DPYD: variants seen among roughly 807,000 people sequenced by gnomAD.
The protein encoded by DPYD is dihydropyrimidine dehydrogenase.
A neutral mutation model predicts 116.2 loss-of-function variants in DPYD; 109 were observed. The ratio of observed to expected loss-of-function variants is 0.94; its 90% CI spans 0.80 to 1.10. The LOEUF is 1.10. DPYD is among the 50% of genes least tolerant of loss of function. DPYD has a pLI of 0.00. For missense variants in DPYD, 1,302 were observed against 1,254.5 expected (o/e 1.04, Z -0.57); for synonymous variants, 440 against 432.0 (o/e 1.02, Z -0.23).
chr1:97,634,510 CATAT>C (rs751382317), intron 8 of DPYD, among the ~76,000 whole-genome samples: 5 of 151,704 alleles, frequency 3.3e-5, no homozygotes, highest in Non-Finnish European at 7.4e-5. Context: ...CAATAGAAAA[CATAT>C]ATAATCATCA....
intron 2 of DPYD, among the ~76,000 whole-genome samples, chr1:97,840,367 T>C (rs1199644473): frequency 6.6e-6 from 1 of 151,904 alleles, no homozygotes; most frequent in Non-Finnish European, 1.5e-5. Flanking sequence ...AAGCGGAAAA[T>C]GGGGTTGTTA....
chr1:97,586,822 A>G (rs1328339084), intron 10 of DPYD, among the ~76,000 whole-genome samples: 3 of 151,678 alleles, frequency 2.0e-5, no homozygotes, highest in Non-Finnish European at 4.4e-5. Context: ...TACCTCACCA[A>G]TTGGCTGGGG....
intron 8 of DPYD, among the ~76,000 whole-genome samples, chr1:97,652,639 C>T (rs1658655104): frequency 6.6e-6 from 1 of 152,090 alleles, no homozygotes; most frequent in South Asian, 2.1e-4. Context: ...CAACAAAACC[C>T]ACATAATTTT....
chr1:97,757,880 A>T (rs1169277589), intron 3 of DPYD, among the ~76,000 whole-genome samples: 1 of 152,178 alleles, frequency 6.6e-6, no homozygotes, highest in Non-Finnish European at 1.5e-5. Flanking sequence ...GAAAAAAATG[A>T]TCATTATTTT....
Position 97,400,611 on chromosome 1 carries a change from T to C in DPYD, c.1906-18150A>G, listed in dbSNP as rs567240081. 2.6e-5 allele frequency among the ~76,000 whole-genome samples: 4 copies of C among 152,276 alleles called. No individual in the cohort carries two copies. The East Asian group carries it at 7.7e-4, about 29-fold the overall frequency. Reference sequence around the variant, plus strand: ...TTTTTGGTTGGTAAGCTATTAATTATTGCCTCAATTTCAGAGCCTGTTAAT... The same window carrying C: ...TTTTTGGTTGGTAAGCTATTAATTACTGCCTCAATTTCAGAGCCTGTTAAT... On this transcript the variant is annotated intron_variant, in intron 14 of 22. Transcript: ENST00000370192.
At position 97,368,842 on chromosome 1, in the gene DPYD, G is replaced by T. The variant is rs1263675730; in HGVS notation, c.2058+4719C>A. ...CCAGAAACAGTGTCAGAGGAGCCTA[G>T]TTAAGGTCTACCTTGTTATTGTTGC... On this transcript the variant is annotated intron_variant, in intron 16 of 22. Coordinates refer to ENST00000370192, the MANE Select transcript of DPYD (RefSeq NM_000110.4). 2.6e-5 allele frequency among the ~76,000 whole-genome samples: 4 copies of T among 152,236 alleles called. No homozygotes were observed. In the East Asian group the frequency reaches 5.8e-4, roughly 22 times the overall value.
intron 19 of DPYD, among the ~76,000 whole-genome samples, chr1:97,219,870 A>G (rs11799304): frequency 0.035 from 5,374 of 152,226 alleles, 291 homozygotes; most frequent in African/African-American, 0.12. Flanking sequence ...ACTCCACAAG[A>G]TTCATCTCTG....
At chr1:97,497,163 T>C (rs1472233142) in intron 13 of DPYD, among the ~76,000 whole-genome samples, 3 of 151,896 alleles carry the variant, frequency 2.0e-5, no homozygotes, top group Non-Finnish European at 2.9e-5. Flanking sequence ...AGAGTAATGA[T>C]CTTTCTCCTT....
At chr1:97,608,574 AG>A (rs1207832342) in intron 8 of DPYD, among the ~76,000 whole-genome samples, 1 of 151,952 alleles carries the variant, frequency 6.6e-6, no homozygotes, top group African/African-American at 2.4e-5. Context: ...ATGGCAAATT[AG>A]CTTACTTCCC....
intron 18 of DPYD, among the ~76,000 whole-genome samples, chr1:97,275,057 G>A (rs1002141353): frequency 6.6e-6 from 1 of 152,058 alleles, no homozygotes. Flanking sequence ...ATGCTTGTAG[G>A]TACCATAGGT....
At chr1:97,393,115 C>T (rs1672806085) in intron 14 of DPYD, among the ~76,000 whole-genome samples, 1 of 151,986 alleles carries the variant, frequency 6.6e-6, no homozygotes, top group African/African-American at 2.4e-5. Context: ...TTTGCATTCA[C>T]ACTTTAGCTA....
intron 2 of DPYD, among the ~76,000 whole-genome samples, chr1:97,871,184 G>C (rs535082737): frequency 6.6e-6 from 1 of 151,854 alleles, no homozygotes; most frequent in South Asian, 2.1e-4. Flanking sequence ...ACACACATCT[G>C]CTTTATTATA....
chr1:97,121,379 C>T (rs1433174373), intron 20 of DPYD, among the ~76,000 whole-genome samples: 2 of 152,160 alleles, frequency 1.3e-5, no homozygotes, highest in Non-Finnish European at 2.9e-5. Flanking sequence ...CCTCTTGGCA[C>T]TTCTGACTTT....
intron 3 of DPYD, among the ~76,000 whole-genome samples, chr1:97,789,513 C>T (rs1571360015): frequency 1.3e-5 from 2 of 152,222 alleles, no homozygotes; most frequent in South Asian, 4.1e-4. Context: ...AGTTTAAATT[C>T]TGGGAAATAG....
At chr1:97,739,814 G>A (rs1416078369) in intron 4 of DPYD, among the ~76,000 whole-genome samples, 2 of 151,770 alleles carry the variant, frequency 1.3e-5, no homozygotes, top group African/African-American at 4.8e-5. Flanking sequence ...ACTGGGCTTA[G>A]ACTTACATTG....
intron 20 of DPYD, among the ~76,000 whole-genome samples, chr1:97,191,863 C>A (rs912013570): frequency 6.6e-6 from 1 of 152,118 alleles, no homozygotes; most frequent in Non-Finnish European, 1.5e-5. Context: ...GGCAAGAACA[C>A]TCACTGTCTA....
chr1:97,089,892 A>G (rs1649785280), intron 21 of DPYD, among the ~76,000 whole-genome samples: 1 of 150,766 alleles, frequency 6.6e-6, no homozygotes. Flanking sequence ...GTTGTCTAGC[A>G]AAGATTTCTG....
rs560034938 is a variant in DPYD at position 97,889,614 on chromosome 1, T to TA, written c.40-6241dup. 1.8e-4 allele frequency among the ~76,000 whole-genome samples: 28 copies of TA among 151,996 alleles called. No homozygotes were observed. In the East Asian group the frequency reaches 5.4e-3, roughly 30 times the overall value. The stretch of plus-strand genomic sequence containing the variant: ...ATGTGCCTAACAACAAGGCCCAAAA[T>TA]ACAAACAAATTTGAAAGGAAACAAA... On this transcript the variant is annotated intron_variant, in intron 1 of 22. Coordinates refer to ENST00000370192, the MANE Select transcript of DPYD (RefSeq NM_000110.4).
chr1:97,773,731 G>A (rs1273724236), intron 3 of DPYD, among the ~76,000 whole-genome samples: 1 of 152,162 alleles, frequency 6.6e-6, no homozygotes, highest in Non-Finnish European at 1.5e-5. Flanking sequence ...GGTTGGAGAA[G>A]AGCCCAGCCA....
Sources: allele counts gnomAD v4.1 joint callset (sites outside exome capture counted in the v4.1 genomes callset), GRCh38; gene constraint gnomAD v4.1.1; transcripts MANE v1.5; gene names NCBI Gene and HGNC (gene_info 2026-07-23, HGNC 2026-07-21).